Variants in TRIO observed in about 807,000 individuals in gnomAD.
TRIO encodes triple functional domain protein.
TRIO carries 58 observed loss-of-function variants against 351.9 expected under a neutral mutation model. The observed-to-expected ratio is 0.16, with a 90% CI of 0.13 to 0.21. The LOEUF (loss-of-function observed/expected upper bound fraction) is 0.21. TRIO is among the 10% of genes least tolerant of loss of function. The probability of loss-of-function intolerance (pLI) is 1.00; values close to 1 mark genes in which losing one functional copy is unlikely to be tolerated. For synonymous variants in TRIO, 1,758 were observed against 1,595.7 expected, an observed-to-expected ratio of 1.10 and a Z score of -2.42; for missense variants, 3,201 against 4,027.8, an observed-to-expected ratio of 0.79 and a Z score of 5.56.
chr5:14,398,034 T>C (rs568802436), intron 29 of TRIO, among the ~76,000 whole-genome samples: 59 of 152,308 alleles, frequency 3.9e-4, no homozygotes, highest in African/African-American at 1.3e-3. Flanking sequence ...GGGCAGACAC[T>C]AGCAGTAGTA....
At chr5:14,481,851 G>T (rs1230562663) in intron 45 of TRIO, 11 of 478,172 alleles carry the variant, frequency 2.3e-5, no homozygotes, top group Non-Finnish European at 4.0e-5. Flanking sequence ...AGTGTCTCAT[G>T]GCAGAAACAA....
chr5:14,473,595 T>C (rs1478631853), intron 39 of TRIO, among the ~76,000 whole-genome samples: 1 of 152,216 alleles, frequency 6.6e-6, no homozygotes, highest in Non-Finnish European at 1.5e-5. Context: ...TTTAACCGAT[T>C]ACACAAATAA....
At chr5:14,495,919 G>A (rs1756863346) in intron 49 of TRIO, among the ~76,000 whole-genome samples, 2 of 152,158 alleles carry the variant, frequency 1.3e-5, no homozygotes, top group African/African-American at 2.4e-5. Flanking sequence ...AGTGAGCCGA[G>A]TTCGCGCCAC....
At chr5:14,161,036 T>C (rs1424739777) in intron 1 of TRIO, among the ~76,000 whole-genome samples, 1 of 152,120 alleles carries the variant, frequency 6.6e-6, no homozygotes, top group Non-Finnish European at 1.5e-5. Flanking sequence ...TTAGTCTCCT[T>C]GTAACTGGGA....
intron 33 of TRIO, among the ~76,000 whole-genome samples, chr5:14,411,492 T>C (rs969945124): frequency 4.0e-5 from 6 of 151,758 alleles, no homozygotes; most frequent in Admixed American, 2.6e-4. Flanking sequence ...TGTTTCTTAT[T>C]TCTAATGAGT....
At chr5:14,371,964 G>T (rs1745150099) in intron 18 of TRIO, among the ~76,000 whole-genome samples, 1 of 152,072 alleles carries the variant, frequency 6.6e-6, no homozygotes, top group Admixed American at 6.6e-5. Context: ...TTTATACATG[G>T]TTTTAATTAA....
chr5:14,318,484 C>T (rs372166232), intron 9 of TRIO, among the ~76,000 whole-genome samples: 36 of 151,174 alleles, frequency 2.4e-4, no homozygotes, highest in African/African-American at 8.5e-4. Flanking sequence ...CTGAATGGCC[C>T]TGTAATTTTT....
intron 21 of TRIO, among the ~76,000 whole-genome samples, chr5:14,382,956 T>C (rs1746242112): frequency 6.6e-6 from 1 of 151,968 alleles, no homozygotes; most frequent in Admixed American, 6.6e-5. Flanking sequence ...TGTGTGTGTC[T>C]GTGTGTGTGT....
rs551190149 is a variant in TRIO at position 14,420,146 on chromosome 5, G to T, written c.5203+125G>T. ...CTTGTCAGCTGTGCCTTCAGCACATGGTCACTGACTGTCCGGGCATTTCCA... is the reference window on the plus strand; with the variant it reads ...CTTGTCAGCTGTGCCTTCAGCACATTGTCACTGACTGTCCGGGCATTTCCA... On this transcript the variant is annotated intron_variant, in intron 34 of 56. Transcript: ENST00000344204. The T allele has an allele frequency of 1.0e-5, 14 of 1,404,702 alleles. No individual in the cohort carries two copies. The East Asian group carries it at 3.3e-4, about 33-fold the overall frequency. 87.0% of individuals were successfully genotyped at this position (1,404,702 alleles called of 1,614,324 possible). A position where few individuals can be genotyped will look rare whatever the true frequency, so the allele number is the denominator to read the frequency against.
chr5:14,492,587 C>T lies in TRIO; in HGVS notation c.7653C>T (p.Ser2551=), dbSNP rs200075312. ...TGCAGAGTGAAAGCAGCAGCAGTAG[C>T]AACATCTCCACCATGTTGGTGACAC... ...QSNGSESSSS[S]NISTMLVTHD... is the part of the protein sequence containing the mutation. Residue 2551 remains serine, a synonymous_variant, in exon 49 of 57, where the codon AGC becomes AGT. Coordinates refer to ENST00000344204, the MANE Select transcript of TRIO (RefSeq NM_007118.4). 4.3e-6 allele frequency: 7 copies of T among 1,614,138 alleles called. No individual in the cohort carries two copies. The African/African-American group carries it at 6.7e-5, about 15-fold the overall frequency.
intron 3 of TRIO, among the ~76,000 whole-genome samples, chr5:14,282,812 C>T (rs1454189059): frequency 6.6e-6 from 1 of 152,124 alleles, no homozygotes; most frequent in African/African-American, 2.4e-5. Flanking sequence ...ATGTCAGTAC[C>T]TAGGTTTGCG....
chr5:14,157,856 G>T lies in TRIO; in HGVS notation c.157+13974G>T, dbSNP rs142578491. Reference sequence around the variant, plus strand: ...ACCTGCCTCAGTCTCCCAAAGGCTTGAGATTATACACAGGAGCCACTGCAC... The same window carrying T: ...ACCTGCCTCAGTCTCCCAAAGGCTTTAGATTATACACAGGAGCCACTGCAC... On this transcript the variant is annotated intron_variant, in intron 1 of 56. Transcript: ENST00000344204. Among the ~76,000 whole-genome samples the T allele has an allele frequency of 7.3e-3, 1,109 of 152,260 alleles. 9 individuals carry two copies. Among genetic ancestry groups the T allele is most frequent in the African/African-American group, 0.025 (1,037 of 41,546 alleles).
intron 1 of TRIO, among the ~76,000 whole-genome samples, chr5:14,192,163 A>T (rs1463293808): frequency 6.6e-6 from 1 of 152,188 alleles, no homozygotes; most frequent in African/African-American, 2.4e-5. Flanking sequence ...TCATTCCAGT[A>T]TAAAAGAAGT....
Position 14,485,054 on chromosome 5 carries a change from T to C in TRIO, c.6658-15T>C, listed in dbSNP as rs750801236. The C allele has an allele frequency of 6.1e-5, 88 of 1,448,780 alleles. No individual in the cohort carries two copies. The highest frequency in any genetic ancestry group is 8.1e-5 in the Non-Finnish European group (87 of 1,071,736). 89.7% of individuals were successfully genotyped at this position (1,448,780 alleles called of 1,614,324 possible). A position where few individuals can be genotyped will look rare whatever the true frequency, so the allele number is the denominator to read the frequency against. On this transcript the variant is annotated splice_polypyrimidine_tract_variant and intron_variant, in intron 46 of 56. Transcript: ENST00000344204. Reference sequence around the variant, plus strand: ...ACCTGTTAGCTATTATGAATAATGTTTTTTTTTTTTTAAGGTGAGTTGCCT... The same window carrying C: ...ACCTGTTAGCTATTATGAATAATGTCTTTTTTTTTTTAAGGTGAGTTGCCT...
intron 10 of TRIO, among the ~76,000 whole-genome samples, chr5:14,333,813 C>CCTGG (rs1741142671): frequency 6.6e-6 from 1 of 152,194 alleles, no homozygotes; most frequent in East Asian, 1.9e-4. Flanking sequence ...AGGCCCCCAC[C>CCTGG]CTGGCCTGGC....
At chr5:14,373,505 T>A (rs1052942917) in intron 18 of TRIO, among the ~76,000 whole-genome samples, 5 of 152,218 alleles carry the variant, frequency 3.3e-5, no homozygotes, top group African/African-American at 1.2e-4. Flanking sequence ...AATTCACATA[T>A]AATTAAAGGG....
chr5:14,314,988 C>T (rs909022754), intron 8 of TRIO, among the ~76,000 whole-genome samples: 6 of 152,098 alleles, frequency 3.9e-5, no homozygotes, highest in Non-Finnish European at 7.4e-5. Flanking sequence ...CTGAAGCCTT[C>T]GTAAGGAATA....
intron 34 of TRIO, among the ~76,000 whole-genome samples, chr5:14,453,253 T>G (rs1752980128): frequency 6.6e-6 from 1 of 152,198 alleles, no homozygotes; most frequent in Non-Finnish European, 1.5e-5. Flanking sequence ...CAGCTGAACA[T>G]CTTTTTAAGT....
At chr5:14,483,744 G>A (rs370560194) in intron 46 of TRIO, among the ~76,000 whole-genome samples, 2 of 152,092 alleles carry the variant, frequency 1.3e-5, no homozygotes, top group African/African-American at 2.4e-5. Flanking sequence ...GCGGGCCCTC[G>A]CACCTCCCAC....
Sources: allele counts gnomAD v4.1 joint callset (sites outside exome capture counted in the v4.1 genomes callset), GRCh38; gene constraint gnomAD v4.1.1; transcripts MANE v1.5; gene names NCBI Gene and HGNC (gene_info 2026-07-23, HGNC 2026-07-21).